DOCK6: variants seen among roughly 807,000 people sequenced by gnomAD.
The protein encoded by DOCK6 is dedicator of cytokinesis protein 6.
In DOCK6, 167 loss-of-function variants were observed where a neutral mutation model predicts 230.3. The observed-to-expected ratio is 0.73, with a 90% CI of 0.64 to 0.82. The LOEUF is 0.82. Ranked by LOEUF, DOCK6 falls within the 40% of genes least tolerant of loss-of-function variation. DOCK6 has a pLI of 0.00. For synonymous variants in DOCK6, 1,148 were observed against 1,185.0 expected, an observed-to-expected ratio of 0.97 and a Z score of 0.64; for missense variants, 2,598 against 2,825.8, an observed-to-expected ratio of 0.92 and a Z score of 1.83.
intron 21 of DOCK6, among the ~76,000 whole-genome samples, chr19:11,234,489 G>T (rs1301046012): frequency 7.0e-6 from 1 of 142,354 alleles, no homozygotes; most frequent in African/African-American, 2.9e-5. Context: ...CATAGGGATT[G>T]GTGTTTATTT....
chr19:11,219,862 T>C (rs1343334369), intron 28 of DOCK6, among the ~76,000 whole-genome samples: 2 of 152,046 alleles, frequency 1.3e-5, no homozygotes, highest in Non-Finnish European at 2.9e-5. Context: ...AGTCCCACTT[T>C]ATGGACGAAG....
In DOCK6 at chr19:11,245,882, C is replaced by T; in HGVS notation, c.807-4G>A. ...GGGCTCAATTTCAATCTCGAACCTA[C>T]AAGTAAATGGGAGGGAGGGGGCTCT... On this transcript the variant is annotated splice_polypyrimidine_tract_variant and splice_region_variant and intron_variant, in intron 7 of 47. Coordinates refer to ENST00000294618, the MANE Select transcript of DOCK6 (RefSeq NM_020812.4). The T allele has an allele frequency of 6.4e-7, 1 of 1,558,954 alleles. No homozygotes were observed. The highest frequency in any genetic ancestry group is 8.7e-7 in the Non-Finnish European group (1 of 1,151,010).
intron 39 of DOCK6, among the ~76,000 whole-genome samples, 196 bp from the exon 40 acceptor site, chr19:11,204,527 C>T (rs937381847): frequency 1.3e-5 from 2 of 151,944 alleles, no homozygotes; most frequent in Non-Finnish European, 2.9e-5. Context: ...GCTCCATGGT[C>T]TTCACTGCTA....
chr19:11,228,105 G>T (rs1007776409), intron 23 of DOCK6, among the ~76,000 whole-genome samples: 3 of 151,390 alleles, frequency 2.0e-5, no homozygotes, highest in Non-Finnish European at 4.4e-5. Flanking sequence ...CTGCCTACTG[G>T]GTTCAAGCGA....
chr19:11,239,740 C>T (rs1243219239), intron 14 of DOCK6: 23 of 1,612,994 alleles, frequency 1.4e-5, no homozygotes, highest in Non-Finnish European at 1.7e-5. Context: ...GCATGAGGAG[C>T]TGACCCTGCT....
intron 5 of DOCK6, chr19:11,251,794 C>T (rs1410435892): frequency 1.1e-5 from 3 of 274,466 alleles, no homozygotes; most frequent in African/African-American, 6.5e-5. Context: ...GGTTGGTATA[C>T]AGTAGGTGCT....
At chr19:11,220,156 G>A (rs556860440) in intron 28 of DOCK6, among the ~76,000 whole-genome samples, 6 of 152,164 alleles carry the variant, frequency 3.9e-5, no homozygotes, top group Middle Eastern at 3.4e-3. Flanking sequence ...GTTTTACCAT[G>A]TTGTCCAGGC....
rs908489046 is a variant in DOCK6, at chr19:11,227,204, G to C, written c.2955+133C>G. The stretch of plus-strand genomic sequence containing the variant: ...GGCACTTAAGAAACAGACAATGAAT[G>C]AACGGATCCACCCAGCAAAGTGGAT... On this transcript the variant is annotated intron_variant, in intron 24 of 47. Coordinates refer to ENST00000294618, the MANE Select transcript of DOCK6 (RefSeq NM_020812.4). The C allele has an allele frequency of 2.4e-6, 3 of 1,235,904 alleles. No individual in the cohort carries two copies. The African/African-American group carries it at 4.5e-5, about 19-fold the overall frequency. The allele number at this position is 1,235,904 out of a possible 1,614,324, so 76.6% of individuals were successfully genotyped here. A position where few individuals can be genotyped will look rare whatever the true frequency, so the allele number is the denominator to read the frequency against.
Position 11,251,070 on chromosome 19 carries a change from C to A in DOCK6, c.524G>T (p.Gly175Val). Reference protein sequence around the residue: ...GPEDSNDSRRGSGSPEDTPRS... With the variant: ...GPEDSNDSRRVSGSPEDTPRS... The stretch of plus-strand genomic sequence containing the variant: ...AGGGGTGTCTTCCGGGGAGCCCGAG[C>A]CACGCCGGGAGTCATTCTGCCAGTG... The change falls in exon 6 of 48, where the codon GGC becomes GTC. Residue 175 changes from glycine (G) to valine (V), a missense_variant. By Grantham distance (109) the Gly-to-Val change is moderately radical (BLOSUM62 -3). Coordinates refer to ENST00000294618, the MANE Select transcript of DOCK6 (RefSeq NM_020812.4). 6.2e-7 allele frequency: 1 copy of A among 1,611,800 alleles called. No individual in the cohort carries two copies. Among genetic ancestry groups the A allele is most frequent in the Non-Finnish European group, 8.5e-7 (1 of 1,179,112 alleles).
intron 39 of DOCK6, among the ~76,000 whole-genome samples, chr19:11,207,915 A>G (rs1317520507): frequency 6.6e-6 from 1 of 151,896 alleles, no homozygotes. Context: ...AGGTGACAGA[A>G]TGGAGGTCCT....
chr19:11,235,775 G>A lies in DOCK6; in HGVS notation c.2393-16C>T, dbSNP rs1228383854. 3 of 1,575,580 alleles carry A rather than the reference G, an allele frequency of 1.9e-6. No individual in the cohort carries two copies. Among genetic ancestry groups the A allele is most frequent in the Admixed American group, 1.8e-5 (1 of 55,616 alleles). On this transcript the variant is annotated splice_polypyrimidine_tract_variant and intron_variant, in intron 20 of 47. Coordinates refer to ENST00000294618, the MANE Select transcript of DOCK6 (RefSeq NM_020812.4). ...CCCAGGTTCACTGCAGGGCAGAGCAGAGGTCAAGTTCCAGGGCCCAAGGCC... is the reference window on the plus strand; with the variant it reads ...CCCAGGTTCACTGCAGGGCAGAGCAAAGGTCAAGTTCCAGGGCCCAAGGCC...
intron 3 of DOCK6, 95 bp downstream of exon 3, chr19:11,252,688 G>A (rs576417616): frequency 2.0e-5 from 32 of 1,593,644 alleles, no homozygotes; most frequent in South Asian, 3.3e-5. Flanking sequence ...CTTGTCCAAC[G>A]TCACGGCCAA....
intron 5 of DOCK6, chr19:11,251,293 G>A (rs1329203371): frequency 1.7e-6 from 1 of 576,174 alleles, no homozygotes; most frequent in Non-Finnish European, 3.1e-6. Context: ...TACCATTGCT[G>A]GGGGAGGCTA....
rs1337615408 is a variant in DOCK6, at chr19:11,204,180, G to C, written c.5220+20C>G. 2 of 1,549,306 alleles carry C rather than the reference G, an allele frequency of 1.3e-6. No homozygotes were observed. Among genetic ancestry groups the C allele is most frequent in the Non-Finnish European group, 1.7e-6 (2 of 1,145,248 alleles). On this transcript the variant is annotated intron_variant, in intron 40 of 47. Coordinates refer to ENST00000294618, the MANE Select transcript of DOCK6 (RefSeq NM_020812.4). The stretch of plus-strand genomic sequence containing the variant: ...GAGTGGGGCTGAGGGTGGGGTCTGG[G>C]GAGGGGGTCCTGGGCCCACCTGGTG...
At chr19:11,214,720 TCCCCTGGCAGCC>T in intron 32 of DOCK6, 71 bp from the exon 33 acceptor site, 1 of 1,455,660 alleles carries the variant, frequency 6.9e-7, no homozygotes, top group Non-Finnish European at 9.5e-7. Context: ...GCTCTCTCCT[TCCCCTGGCAGCC>T]CAGGGGGCAC....
intron 14 of DOCK6, 39 bp from the exon 15 acceptor site, chr19:11,238,343 C>A (rs1351378852): frequency 1.3e-6 from 2 of 1,547,786 alleles, no homozygotes; most frequent in Non-Finnish European, 1.7e-6. Context: ...GGGACAGGGG[C>A]CCTGAAGGTG....
intron 5 of DOCK6, chr19:11,251,452 A>G (rs1440522551): frequency 1.0e-5 from 2 of 199,574 alleles, no homozygotes; most frequent in Admixed American, 5.2e-5. Flanking sequence ...GGAAGGAGAG[A>G]GTTCTTCCTG....
chr19:11,227,488 G>T lies in DOCK6; in HGVS notation c.2815-11C>A, dbSNP rs1485592802. ...CGCCATACTCTTCACCTGGGGGTGG[G>T]GTGAGAGGGCTGTGGGTGGGATTTG... On this transcript the variant is annotated splice_polypyrimidine_tract_variant and intron_variant, in intron 23 of 47. Transcript: ENST00000294618. 4 of 1,551,744 alleles carry T rather than the reference G, an allele frequency of 2.6e-6. No homozygotes were observed. The highest frequency in any genetic ancestry group is 3.5e-6 in the Non-Finnish European group (4 of 1,148,722).
intron 34 of DOCK6, 143 bp downstream of exon 34, chr19:11,214,132 C>T: frequency 8.3e-7 from 1 of 1,200,932 alleles, no homozygotes; most frequent in Non-Finnish European, 1.1e-6. Context: ...ACTATGTTGC[C>T]CAGGTTGGTC....
Sources: allele counts gnomAD v4.1 joint callset (sites outside exome capture counted in the v4.1 genomes callset), GRCh38; gene constraint gnomAD v4.1.1; transcripts MANE v1.5; gene names NCBI Gene and HGNC (gene_info 2026-07-23, HGNC 2026-07-21).